Variants in DYNC1I1 observed in about 807,000 individuals in gnomAD.
DYNC1I1 encodes dynein cytoplasmic 1 intermediate chain 1.
DYNC1I1 carries 43 observed loss-of-function variants against 86.6 expected under a neutral mutation model. The ratio of observed to expected loss-of-function variants is 0.50; its 90% CI spans 0.39 to 0.64. The LOEUF is 0.64. Among genes scored for constraint, DYNC1I1 ranks in the 30% least tolerant of loss-of-function variants. DYNC1I1 has a pLI of 0.00. For missense variants in DYNC1I1, 604 were observed against 788.8 expected (o/e 0.77, Z 2.81); for synonymous variants, 262 against 283.7 (o/e 0.92, Z 0.77).
At chr7:96,000,668 C>G (rs1375648058) in intron 10 of DYNC1I1, among the ~76,000 whole-genome samples, 1 of 152,192 alleles carries the variant, frequency 6.6e-6, no homozygotes, top group African/African-American at 2.4e-5. Flanking sequence ...TTTCATTTTG[C>G]TTTGCCCAGG....
intron 5 of DYNC1I1, among the ~76,000 whole-genome samples, chr7:95,838,226 G>A (rs1054497546): frequency 2.0e-5 from 3 of 152,098 alleles, no homozygotes; most frequent in Non-Finnish European, 4.4e-5. Flanking sequence ...GTATGTGTGT[G>A]ATATAAAGAT....
intron 1 of DYNC1I1, among the ~76,000 whole-genome samples, chr7:95,797,315 G>A (rs987802524): frequency 6.6e-6 from 1 of 152,120 alleles, no homozygotes. Flanking sequence ...AAAATCAATG[G>A]TGTGAGTTTG....
intron 6 of DYNC1I1, among the ~76,000 whole-genome samples, chr7:95,891,341 T>C (rs937464429): frequency 3.9e-5 from 6 of 152,204 alleles, no homozygotes; most frequent in African/African-American, 1.4e-4. Context: ...AAAATAGCTA[T>C]TTAGAAAATG....
chr7:95,936,820 G>A (rs949728386), intron 6 of DYNC1I1, among the ~76,000 whole-genome samples: 4 of 151,906 alleles, frequency 2.6e-5, no homozygotes, highest in Non-Finnish European at 5.9e-5. Context: ...AATAGGTGGG[G>A]GACATGATTG....
chr7:95,955,694 G>A (rs1393497410), intron 6 of DYNC1I1, among the ~76,000 whole-genome samples: 2 of 152,058 alleles, frequency 1.3e-5, no homozygotes, highest in African/African-American at 2.4e-5. Flanking sequence ...ACCAGCTCAC[G>A]TAAAAATTTC....
At chr7:95,889,024 C>A (rs1256753894) in intron 6 of DYNC1I1, among the ~76,000 whole-genome samples, 1 of 152,102 alleles carries the variant, frequency 6.6e-6, no homozygotes, top group Non-Finnish European at 1.5e-5. Flanking sequence ...GAGGAAGCTG[C>A]AATTGGGGTT....
chr7:96,020,698 T>C (rs958758085), intron 10 of DYNC1I1, among the ~76,000 whole-genome samples: 1 of 152,206 alleles, frequency 6.6e-6, no homozygotes, highest in Non-Finnish European at 1.5e-5. Context: ...AAAGAGTTAG[T>C]TGTGCACCCA....
chr7:96,105,593 G>C lies in DYNC1I1; in HGVS notation c.1543-4386G>C, dbSNP rs182565375. 7.4e-4 allele frequency among the ~76,000 whole-genome samples: 112 copies of C among 152,184 alleles called. 3 individuals are homozygous for C. The East Asian group carries it at 0.021, about 28-fold the overall frequency. On this transcript the variant is annotated intron_variant, in intron 16 of 16. Transcript: ENST00000537881. Reference sequence around the variant, plus strand: ...AAGGGTTTTCCCATAATCGTTCCTTGTGAATACTGATCTATAATTTTCTAT... The same window carrying C: ...AAGGGTTTTCCCATAATCGTTCCTTCTGAATACTGATCTATAATTTTCTAT...
chr7:95,947,475 G>A (rs1453318609), intron 6 of DYNC1I1, among the ~76,000 whole-genome samples: 1 of 152,088 alleles, frequency 6.6e-6, no homozygotes, highest in Non-Finnish European at 1.5e-5. Flanking sequence ...CCTTTCTTGA[G>A]TCCTGCCACC....
At chr7:96,095,977 G>A (rs1790993049) in intron 16 of DYNC1I1, among the ~76,000 whole-genome samples, 1 of 152,084 alleles carries the variant, frequency 6.6e-6, no homozygotes, top group African/African-American at 2.4e-5. Flanking sequence ...AATAATTATA[G>A]TAGCATTTAA....
Position 95,900,212 on chromosome 7 carries a change from C to G in DYNC1I1, c.490+30214C>G, listed in dbSNP as rs532257286. Among the ~76,000 whole-genome samples the G allele has an allele frequency of 2.6e-5, 4 of 152,246 alleles. No homozygotes were observed. In the South Asian group the frequency reaches 8.3e-4, roughly 32 times the overall value. ...CTCAGCATGCCACTGGAAAGGAATCCTAGCTGTATTCTCTTCAAATTTCCC... is the reference window on the plus strand; with the variant it reads ...CTCAGCATGCCACTGGAAAGGAATCGTAGCTGTATTCTCTTCAAATTTCCC... On this transcript the variant is annotated intron_variant, in intron 6 of 16. Transcript: ENST00000447467.
chr7:95,906,646 AAAAC>A (rs1234244140), intron 6 of DYNC1I1, among the ~76,000 whole-genome samples: 1 of 152,082 alleles, frequency 6.6e-6, no homozygotes, highest in African/African-American at 2.4e-5. Flanking sequence ...TGTTATTCAA[AAAAC>A]AGACCTTTAA....
At chr7:95,823,245 A>G (rs1044632280) in intron 4 of DYNC1I1, among the ~76,000 whole-genome samples, 1 of 152,054 alleles carries the variant, frequency 6.6e-6, no homozygotes, top group Non-Finnish European at 1.5e-5. Flanking sequence ...CTCCTCCAAG[A>G]CCAGGTCAAA....
intron 6 of DYNC1I1, among the ~76,000 whole-genome samples, chr7:95,973,546 G>A (rs527545664): frequency 4.6e-5 from 7 of 151,908 alleles, no homozygotes; most frequent in South Asian, 2.1e-4. Flanking sequence ...TTTTTAGACC[G>A]ATCAAAAACA....
intron 10 of DYNC1I1, among the ~76,000 whole-genome samples, chr7:96,021,869 G>T (rs1357189318): frequency 2.0e-5 from 3 of 152,158 alleles, no homozygotes; most frequent in East Asian, 3.9e-4. Context: ...ACATTCCATT[G>T]TATGGATTTA....
chr7:96,032,962 C>G lies in DYNC1I1; in HGVS notation c.1230+182C>G, dbSNP rs550026823. Among the ~76,000 whole-genome samples the G allele has an allele frequency of 1.3e-4, 20 of 152,330 alleles. No individual in the cohort carries two copies. In the South Asian group the frequency reaches 4.1e-3, roughly 32 times the overall value. On this transcript the variant is annotated intron_variant, in intron 12 of 16. Coordinates refer to ENST00000447467, the MANE Select transcript of DYNC1I1 (RefSeq NM_001135556.2). ...TTGAAGCCAAAACCCATTTCCTTTA[C>G]CACAAATCATGTAATTATTGTAATA...
Position 96,097,549 on chromosome 7 carries a change from A to G in DYNC1I1, c.1843A>G (p.Arg615Gly). 6.2e-7 allele frequency: 1 copy of G among 1,613,878 alleles called. No homozygotes were observed. The highest frequency in any genetic ancestry group is 8.5e-7 in the Non-Finnish European group (1 of 1,179,800). ...GACCCTTGTGGAAATTCGTGCTAACAGAGCTGATAGCGAGGAGGAAGGCAC... is the reference window on the plus strand; with the variant it reads ...GACCCTTGTGGAAATTCGTGCTAACGGAGCTGATAGCGAGGAGGAAGGCAC... ...ARTLVEIRAN[R>G]ADSEEEGTVE... The change falls in exon 17 of 17, where the codon AGA becomes GGA. Residue 615 changes from arginine to glycine, a missense_variant. Arg to Gly is a moderately radical substitution (Grantham distance 125, BLOSUM62 -2). Coordinates refer to ENST00000447467, the MANE Select transcript of DYNC1I1 (RefSeq NM_001135556.2).
intron 2 of DYNC1I1, among the ~76,000 whole-genome samples, chr7:95,805,760 C>G (rs1004726022): frequency 6.6e-6 from 1 of 152,090 alleles, no homozygotes; most frequent in Non-Finnish European, 1.5e-5. Context: ...AAGAAAACTT[C>G]GTGTGGTATG....
intron 10 of DYNC1I1, among the ~76,000 whole-genome samples, chr7:96,002,874 T>C (rs950910525): frequency 1.3e-5 from 2 of 152,062 alleles, no homozygotes; most frequent in African/African-American, 4.8e-5. Flanking sequence ...AGACAGAATC[T>C]TGCTCTGTCA....
Sources: allele counts gnomAD v4.1 joint callset (sites outside exome capture counted in the v4.1 genomes callset), GRCh38; gene constraint gnomAD v4.1.1; transcripts MANE v1.5; gene names NCBI Gene and HGNC (gene_info 2026-07-23, HGNC 2026-07-21).